GALNT6: variants seen among roughly 807,000 people sequenced by gnomAD.
GALNT6 encodes the protein polypeptide N-acetylgalactosaminyltransferase 6.
A neutral mutation model predicts 65.9 loss-of-function variants in GALNT6; 51 were observed. That is an observed-to-expected ratio of 0.77 (90% confidence interval 0.62 to 0.98). The LOEUF (loss-of-function observed/expected upper bound fraction) is 0.98. GALNT6 is among the 50% of genes least tolerant of loss of function. The pLI is 0.00. For missense variants in GALNT6, 708 were observed against 803.3 expected (o/e 0.88, Z 1.43); for synonymous variants, 323 against 315.1 (o/e 1.02, Z -0.26).
At chr12:51,382,677 G>A (rs75290947) in intron 2 of GALNT6, among the ~76,000 whole-genome samples, 2,266 of 152,320 alleles carry the variant, frequency 0.015, 63 homozygotes, top group East Asian at 0.098. Flanking sequence ...GTAATAAAGC[G>A]TTAAGCTGGG....
In GALNT6 at chr12:51,379,434, A is replaced by G. The variant is rs1245360274; in HGVS notation, c.348T>C (p.Asp116=). 1.9e-6 allele frequency: 3 copies of G among 1,612,048 alleles called. No individual in the cohort carries two copies. Among genetic ancestry groups the G allele is most frequent in the Non-Finnish European group, 2.5e-6 (3 of 1,178,974 alleles). Residue 116 remains aspartate (D), a synonymous_variant, in exon 3 of 12, where the codon GAT becomes GAC. Transcript: ENST00000356317. ...PPQDPNAPGA[D]GKAFQKSKWT... Reference sequence around the variant, plus strand: ...ACTTGCTCTTCTGAAATGCTTTTCCATCTGCCCCAGGGGCATTGGGGTCCT... The same window carrying G: ...ACTTGCTCTTCTGAAATGCTTTTCCGTCTGCCCCAGGGGCATTGGGGTCCT...
chr12:51,372,703 G>A (rs1267425621), intron 4 of GALNT6, among the ~76,000 whole-genome samples: 1 of 152,234 alleles, frequency 6.6e-6, no homozygotes, highest in Non-Finnish European at 1.5e-5. Context: ...TACTCTGCCT[G>A]TTAGATGCTG....
Position 51,354,284 on chromosome 12 carries a change from C to T in GALNT6, c.*95G>A, listed in dbSNP as rs368190948. The stretch of plus-strand genomic sequence containing the variant: ...CAGTGGGTTTAGAAATCCATCTTTA[C>T]GGCCTCCAGAGAAGCTGGTGATCAG... On this transcript the variant is annotated 3_prime_UTR_variant, in exon 12 of 12. Coordinates refer to ENST00000356317, the MANE Select transcript of GALNT6 (RefSeq NM_007210.4). The T allele has an allele frequency of 2.6e-4, 172 of 667,058 alleles. 1 individual carries two copies. The highest frequency in any genetic ancestry group is 1.7e-3 in the African/African-American group (90 of 52,730). 41.3% of individuals were successfully genotyped at this position (667,058 alleles called of 1,614,324 possible). A position where few individuals can be genotyped will look rare whatever the true frequency, so the allele number is the denominator to read the frequency against.
intron 4 of GALNT6, among the ~76,000 whole-genome samples, chr12:51,374,255 A>G (rs1410147769): frequency 1.3e-5 from 2 of 149,568 alleles, no homozygotes; most frequent in South Asian, 2.1e-4. Flanking sequence ...TGCAGCCTCA[A>G]TTTCCTGGGC....
chr12:51,389,207 G>A (rs535282035), intron 2 of GALNT6, among the ~76,000 whole-genome samples: 1 of 152,346 alleles, frequency 6.6e-6, no homozygotes, highest in South Asian at 2.1e-4. Flanking sequence ...CCCAAGCTAC[G>A]GCATGGACAC....
intron 2 of GALNT6, among the ~76,000 whole-genome samples, chr12:51,386,753 G>A (rs1443861455): frequency 2.6e-5 from 4 of 152,122 alleles, no homozygotes; most frequent in East Asian, 3.8e-4. Context: ...ACTGTTGGGG[G>A]AAATGGGGCT....
At position 51,387,254 on chromosome 12, in the gene GALNT6, C is replaced by T. The variant is rs1268901082; in HGVS notation, c.-104+3596G>A. Among the ~76,000 whole-genome samples, 5 of 152,226 alleles carry T rather than the reference C, an allele frequency of 3.3e-5. No homozygotes were observed. Among genetic ancestry groups the T allele is most frequent in the East Asian group, 3.9e-4 (2 of 5,182 alleles). On this transcript the variant is annotated intron_variant, in intron 2 of 11. Transcript: ENST00000356317. The surrounding 1 kb of genome is among the most constrained non-coding windows in gnomAD (Gnocchi z 4.2). ...CTGGGATTACAGGCGCCCGCCACCA[C>T]GTCCGGCTAATTTTTGTATTTTTTT...
At position 51,352,177 on chromosome 12, in the gene GALNT6, G is replaced by A. The variant is rs947865986; in HGVS notation, c.*2202C>T. On this transcript the variant is annotated 3_prime_UTR_variant, in exon 12 of 12. Coordinates refer to ENST00000356317, the MANE Select transcript of GALNT6 (RefSeq NM_007210.4). Reference sequence around the variant, plus strand: ...AAATTTTAGTCCTCTGCGCAGCCATGCTCTTCTTCCAGCAAAAGAGCCATG... The same window carrying A: ...AAATTTTAGTCCTCTGCGCAGCCATACTCTTCTTCCAGCAAAAGAGCCATG... 2 of 152,252 alleles carry A rather than the reference G, an allele frequency of 1.3e-5. No individual in the cohort carries two copies. The highest frequency in any genetic ancestry group is 2.9e-5 in the Non-Finnish European group (2 of 68,072). 9.4% of individuals were successfully genotyped at this position (152,252 alleles called of 1,614,324 possible).
intron 3 of GALNT6, among the ~76,000 whole-genome samples, chr12:51,378,882 A>ACCCCCCCCC (rs369224950): frequency 8.7e-6 from 1 of 115,018 alleles, no homozygotes; most frequent in Non-Finnish European, 1.7e-5. Flanking sequence ...AGAAATGCCC[A>ACCCCCCCCC]CCCCCCCCCC....
chr12:51,364,319 G>GC lies in GALNT6; in HGVS notation c.850dup (p.Ala284GlyfsTer5). ...CACTGTCTTGTCCTCAGCGATTCGA[G>GC]CCAGGAGGGGCTCCAGCCAGCCGTG... On this transcript the variant is annotated frameshift_variant, in exon 6 of 12. Transcript: ENST00000356317. LOFTEE classifies it high-confidence loss of function. 1 of 1,614,188 alleles carries GC rather than the reference G, an allele frequency of 6.2e-7. No homozygotes were observed. The highest frequency in any genetic ancestry group is 8.5e-7 in the Non-Finnish European group (1 of 1,179,992).
chr12:51,359,058 A>G, intron 8 of GALNT6, 74 bp downstream of exon 8: 4 of 1,190,718 alleles, frequency 3.4e-6, no homozygotes, highest in Non-Finnish European at 5.0e-6. Flanking sequence ...GGTCCCAGCC[A>G]TTAGGCCCAT....
At position 51,377,194 on chromosome 12, in the gene GALNT6, C is replaced by A; in HGVS notation, c.664+1G>T. 1 of 1,613,346 alleles carries A rather than the reference C, an allele frequency of 6.2e-7. No individual in the cohort carries two copies. The highest frequency in any genetic ancestry group is 8.5e-7 in the Non-Finnish European group (1 of 1,179,948). ...CCTCCTCTGGGCCCCTCCAGCCTCA[C>A]CCTCTGTGCTGGCATCATCCACCAG... is the stretch of plus-strand genomic sequence containing the variant. On this transcript the variant is annotated splice_donor_variant, in intron 4 of 11. Coordinates refer to ENST00000356317, the MANE Select transcript of GALNT6 (RefSeq NM_007210.4). LOFTEE classifies it high-confidence loss of function.
intron 4 of GALNT6, among the ~76,000 whole-genome samples, chr12:51,371,269 A>G (rs1179007902): frequency 6.6e-6 from 1 of 151,950 alleles, no homozygotes; most frequent in Non-Finnish European, 1.5e-5. Context: ...TTTTTAGTAG[A>G]GACGGGGTTT....
At chr12:51,366,652 A>G (rs2067764) in intron 4 of GALNT6, among the ~76,000 whole-genome samples, 2,275 of 152,244 alleles carry the variant, frequency 0.015, 69 homozygotes, top group East Asian at 0.13. Context: ...CAGGTGATCC[A>G]TGATCTAACA....
In GALNT6 at chr12:51,359,425, C is replaced by A. The variant is rs370338772; in HGVS notation, c.1168-93G>T. 5.7e-4 allele frequency: 488 copies of A among 860,766 alleles called. 1 individual carries two copies. Among genetic ancestry groups the A allele is most frequent in the South Asian group, 1.4e-3 (81 of 58,476 alleles). The allele number at this position is 860,766 out of a possible 1,614,324, so 53.3% of individuals were successfully genotyped here. A position where few individuals can be genotyped will look rare whatever the true frequency, so the allele number is the denominator to read the frequency against. ...CTATTCTATTCCCAGAGCACCAGAC[C>A]CCAGGTCCAAGGACTTGGGCAAATG... On this transcript the variant is annotated intron_variant, in intron 7 of 11. Coordinates refer to ENST00000356317, the MANE Select transcript of GALNT6 (RefSeq NM_007210.4).
intron 6 of GALNT6, among the ~76,000 whole-genome samples, chr12:51,361,135 C>T (rs1390523526): frequency 6.6e-6 from 1 of 152,212 alleles, no homozygotes; most frequent in African/African-American, 2.4e-5. Flanking sequence ...ATGATGGACA[C>T]ACAGAACGGA....
intron 7 of GALNT6, chr12:51,359,958 T>C (rs563726773): frequency 6.6e-6 from 1 of 152,244 alleles, no homozygotes; most frequent in Admixed American, 6.5e-5. Context: ...TGGGAAAGTA[T>C]GTTGTTATTC....
rs560314917 is a variant in GALNT6 at position 51,361,627 on chromosome 12, A to G, written c.1050-789T>C. 7.2e-5 allele frequency among the ~76,000 whole-genome samples: 11 copies of G among 152,338 alleles called. No homozygotes were observed. The East Asian group carries it at 1.9e-3, about 27-fold the overall frequency. ...ACTCAAGATAAGATAAATTGACAAA[A>G]ACATCTAATTCCTAGAATTTAGATA... On this transcript the variant is annotated intron_variant, in intron 6 of 11. Transcript: ENST00000356317.
At chr12:51,384,691 CAAAA>C (rs747557675) in intron 2 of GALNT6, among the ~76,000 whole-genome samples, 2 of 89,378 alleles carry the variant, frequency 2.2e-5, no homozygotes, top group East Asian at 2.9e-4. Context: ...GACTCTGTCT[CAAAA>C]AAAAAAAAAA....
Sources: allele counts gnomAD v4.1 joint callset (sites outside exome capture counted in the v4.1 genomes callset), GRCh38; gene constraint gnomAD v4.1.1; non-coding constraint Gnocchi (gnomAD v3.1); transcripts MANE v1.5; gene names NCBI Gene and HGNC (gene_info 2026-07-23, HGNC 2026-07-21).